Variants in PRTFDC1 observed in about 807,000 individuals in gnomAD.
PRTFDC1 encodes the protein phosphoribosyltransferase domain-containing protein 1.
PRTFDC1 carries 38 observed loss-of-function variants against 34.6 expected under a neutral mutation model. That is an observed-to-expected ratio of 1.10 (90% CI 0.85 to 1.44). The LOEUF is 1.44. Among genes scored for constraint, PRTFDC1 ranks in the 40% most tolerant of loss-of-function variants. The probability of loss-of-function intolerance (pLI) is 0.00; values close to 1 mark genes in which losing one functional copy is unlikely to be tolerated. For missense variants in PRTFDC1, 270 were observed against 283.0 expected, an observed-to-expected ratio of 0.95 and a Z score of 0.33; for synonymous variants, 93 against 98.1, an observed-to-expected ratio of 0.95 and a Z score of 0.31.
chr10:24,937,636 C>A (rs61854338), intron 2 of PRTFDC1, among the ~76,000 whole-genome samples: 19,690 of 150,540 alleles, frequency 0.13, 1,447 homozygotes, highest in East Asian at 0.28. Context: ...TGGCTCACTG[C>A]AACCTCCACC....
At position 24,881,541 on chromosome 10, in the gene PRTFDC1, A is replaced by G. The variant is rs1848079572; in HGVS notation, c.340-9478T>C. On this transcript the variant is annotated intron_variant, in intron 3 of 8. Coordinates refer to ENST00000320152, the MANE Select transcript of PRTFDC1 (RefSeq NM_020200.7). ...AGAAGATCTGTGGTAGAACATGAGC[A>G]TGGAGTTCCTGATATTTTTCCAGGT... 1.3e-5 allele frequency among the ~76,000 whole-genome samples: 2 copies of G among 152,194 alleles called. 1 individual carries two copies. The highest frequency in any genetic ancestry group is 4.1e-4 in the South Asian group (2 of 4,832).
chr10:24,875,540 T>C (rs1183695471), intron 3 of PRTFDC1, among the ~76,000 whole-genome samples: 2 of 152,326 alleles, frequency 1.3e-5, no homozygotes, highest in African/African-American at 2.4e-5. Context: ...CTCAGCATAA[T>C]GTTCTCAGTC....
chr10:24,861,310 G>A (rs1847676287), intron 4 of PRTFDC1, among the ~76,000 whole-genome samples: 1 of 152,034 alleles, frequency 6.6e-6, no homozygotes, highest in Admixed American at 6.6e-5. Flanking sequence ...AGAGCAGCCT[G>A]GCCAGTATAT....
At chr10:24,857,466 A>G (rs1368182415) in intron 5 of PRTFDC1, among the ~76,000 whole-genome samples, 1 of 152,214 alleles carries the variant, frequency 6.6e-6, no homozygotes, top group Non-Finnish European at 1.5e-5. Flanking sequence ...GTGTCTGGAC[A>G]GCAGCTGGTG....
intron 2 of PRTFDC1, 70 bp from the exon 3 acceptor site, chr10:24,937,437 C>A: frequency 7.2e-7 from 1 of 1,392,352 alleles, no homozygotes; most frequent in Non-Finnish European, 9.8e-7. Flanking sequence ...TAATGAAATG[C>A]AAGATGTATT....
At chr10:24,908,430 C>A in intron 3 of PRTFDC1, 1 of 1,531,202 alleles carries the variant, frequency 6.5e-7, no homozygotes, top group Non-Finnish European at 8.8e-7. Context: ...AGACTGTGGG[C>A]ACAGCCAGGG....
At chr10:24,868,131 C>T (rs970601817) in intron 4 of PRTFDC1, 3 of 152,106 alleles carry the variant, frequency 2.0e-5, no homozygotes, top group African/African-American at 4.8e-5. Context: ...AGGGAATGAT[C>T]GTTGGTTTTG....
chr10:24,879,191 C>G (rs6482450), intron 3 of PRTFDC1, among the ~76,000 whole-genome samples: 126,970 of 152,148 alleles, frequency 0.83, 53,083 homozygotes, highest in South Asian at 0.86. Flanking sequence ...TCCAATCACT[C>G]GTTGATGTGA....
chr10:24,920,660 G>C (rs748290144), intron 3 of PRTFDC1, among the ~76,000 whole-genome samples: 1 of 152,050 alleles, frequency 6.6e-6, no homozygotes, highest in Admixed American at 6.6e-5. Context: ...AAACCTGCAC[G>C]TCCTGCACAT....
At chr10:24,887,211 C>T (rs1288956910) in intron 3 of PRTFDC1, among the ~76,000 whole-genome samples, 1 of 151,470 alleles carries the variant, frequency 6.6e-6, no homozygotes, top group Non-Finnish European at 1.5e-5. Context: ...ACCTCATGAT[C>T]CACCCGCCTC....
intron 5 of PRTFDC1, 72 bp downstream of exon 5, chr10:24,858,320 A>G (rs1321020614): frequency 2.2e-5 from 34 of 1,528,250 alleles, no homozygotes; most frequent in Admixed American, 2.2e-4. Context: ...ATTTGATAAC[A>G]AGGTTTACCG....
At chr10:24,883,652 C>A (rs1848116974) in intron 3 of PRTFDC1, among the ~76,000 whole-genome samples, 1 of 152,022 alleles carries the variant, frequency 6.6e-6, no homozygotes, top group Non-Finnish European at 1.5e-5. Flanking sequence ...GTATGGACTT[C>A]TTGTTTTGAT....
chr10:24,908,842 G>T, intron 3 of PRTFDC1: 1 of 1,224,470 alleles, frequency 8.2e-7, no homozygotes. Flanking sequence ...TTTGATTCCA[G>T]CCACCTCAAG....
intron 1 of PRTFDC1, among the ~76,000 whole-genome samples, chr10:24,945,611 G>A (rs1044320709): frequency 3.3e-5 from 5 of 151,994 alleles, no homozygotes; most frequent in African/African-American, 7.3e-5. Flanking sequence ...GGACAACCAC[G>A]CTCAGCTTAT....
chr10:24,917,648 C>A (rs1482217234), intron 3 of PRTFDC1, among the ~76,000 whole-genome samples: 3 of 151,988 alleles, frequency 2.0e-5, no homozygotes, highest in African/African-American at 7.3e-5. Context: ...AGTGAGACAC[C>A]AAAAGAGCTG....
intron 3 of PRTFDC1, among the ~76,000 whole-genome samples, chr10:24,898,333 G>A (rs375543349): frequency 6.7e-5 from 10 of 149,776 alleles, no homozygotes; most frequent in African/African-American, 9.8e-5. Context: ...GCCTGGTGGC[G>A]CACACCTGGA....
chr10:24,952,440 C>A lies in PRTFDC1; in HGVS notation c.48+88G>T. 1 of 1,443,248 alleles carries A rather than the reference C, an allele frequency of 6.9e-7. No homozygotes were observed. Among genetic ancestry groups the A allele is most frequent in the Non-Finnish European group, 9.5e-7 (1 of 1,052,168 alleles). The allele number at this position is 1,443,248 out of a possible 1,614,324, so 89.4% of individuals were successfully genotyped here. ...CAAAGCGGTGGCCCTCTCTCTCCCC[C>A]GACGCACGGCAAGCATTTAATCTAC... On this transcript the variant is annotated intron_variant, in intron 1 of 8. Transcript: ENST00000320152. This position sits in a 1 kb window ranked among gnomAD's most constrained non-coding sequence, Gnocchi z 5.1.
At chr10:24,854,857 G>A (rs958178518) in intron 7 of PRTFDC1, among the ~76,000 whole-genome samples, 18 of 152,158 alleles carry the variant, frequency 1.2e-4, no homozygotes, top group African/African-American at 3.9e-4. Context: ...ACCATTGTGC[G>A]TTGTCTGGTA....
chr10:24,903,572 C>T (rs1035366447), intron 3 of PRTFDC1, among the ~76,000 whole-genome samples: 3 of 152,176 alleles, frequency 2.0e-5, no homozygotes, highest in East Asian at 1.9e-4. Context: ...TTATGGAAAA[C>T]GAAGTCCCAG....
Sources: gnomAD v4.1 joint callset for allele counts (sites outside exome capture counted in the v4.1 genomes callset) on GRCh38, gnomAD v4.1.1 for gene constraint, Gnocchi (gnomAD v3.1) non-coding constraint, MANE v1.5 for transcripts, NCBI Gene and HGNC (gene_info 2026-07-23, HGNC 2026-07-21) for gene names.